The following PIK3CA variants were observed in gnomAD, a reference collection of about 807,000 sequenced individuals.
The protein encoded by PIK3CA is phosphatidylinositol 4,5-bisphosphate 3-kinase catalytic subunit alpha isoform.
In PIK3CA, 27 loss-of-function variants were observed where a neutral mutation model predicts 138.2. That is an observed-to-expected ratio of 0.20 (90% CI 0.14 to 0.27). PIK3CA has a LOEUF of 0.27. Among genes scored for constraint, PIK3CA ranks in the 10% least tolerant of loss-of-function variants. The pLI, the probability that PIK3CA is intolerant of heterozygous loss-of-function variation, is 1.00. For synonymous variants in PIK3CA, 358 were observed against 413.2 expected (o/e 0.87, Z 1.62); for missense variants, 544 against 1,277.4 (o/e 0.43, Z 8.75).
intron 6 of PIK3CA, among the ~76,000 whole-genome samples, chr3:179,208,244 T>C (rs146106026): frequency 7.2e-5 from 11 of 152,326 alleles, no homozygotes; most frequent in Non-Finnish European, 1.3e-4. Flanking sequence ...TATTACTTAG[T>C]TGGCTAATTA....
At chr3:179,204,630 G>A (rs774258569) in intron 6 of PIK3CA, 42 bp downstream of exon 6, 2 of 943,012 alleles carry the variant, frequency 2.1e-6, no homozygotes, top group East Asian at 2.4e-5. Flanking sequence ...GGTTATATTA[G>A]TGTTTAGCAG....
intron 1 of PIK3CA, among the ~76,000 whole-genome samples, chr3:179,168,721 A>C (rs1723477947): frequency 1.3e-5 from 2 of 152,126 alleles, no homozygotes; most frequent in South Asian, 4.1e-4. Flanking sequence ...GTGAAATGTT[A>C]TATCCTTATG....
intron 1 of PIK3CA, among the ~76,000 whole-genome samples, chr3:179,154,709 A>G (rs1194008926): frequency 1.3e-5 from 2 of 152,222 alleles, no homozygotes; most frequent in Non-Finnish European, 2.9e-5. Flanking sequence ...CACAAGTTGC[A>G]TAAAACTAGG....
chr3:179,160,257 A>G (rs796300373), intron 1 of PIK3CA, among the ~76,000 whole-genome samples: 7 of 152,366 alleles, frequency 4.6e-5, no homozygotes, highest in African/African-American at 1.7e-4. Flanking sequence ...TGACCAGAAC[A>G]TTGTTATGTA....
chr3:179,195,241 A>G (rs1469805764), intron 1 of PIK3CA, among the ~76,000 whole-genome samples: 3 of 145,726 alleles, frequency 2.1e-5, no homozygotes, highest in Admixed American at 7.0e-5. Context: ...GAAGCTCCTT[A>G]TTTACTTGCC....
chr3:179,216,390 ATTT>A (rs199636066), intron 9 of PIK3CA, among the ~76,000 whole-genome samples: 4,568 of 151,882 alleles, frequency 0.03, 98 homozygotes, highest in South Asian at 0.068. Flanking sequence ...ATGCACCAAA[ATTT>A]TTTTTTAAAT....
At chr3:179,205,169 G>A (rs959527929) in intron 6 of PIK3CA, among the ~76,000 whole-genome samples, 1 of 151,616 alleles carries the variant, frequency 6.6e-6, no homozygotes, top group Non-Finnish European at 1.5e-5. Flanking sequence ...AGCTATGATC[G>A]TGCCACTGCA....
At chr3:179,228,286 A>G (rs1725129627) in intron 17 of PIK3CA, among the ~76,000 whole-genome samples, 1 of 152,062 alleles carries the variant, frequency 6.6e-6, no homozygotes, top group Non-Finnish European at 1.5e-5. Flanking sequence ...TTAGTATGGT[A>G]TAATGAAAAG....
intron 1 of PIK3CA, among the ~76,000 whole-genome samples, chr3:179,188,274 G>A (rs1724042467): frequency 6.6e-6 from 1 of 152,198 alleles, no homozygotes; most frequent in African/African-American, 2.4e-5. Flanking sequence ...CAAGTCACTA[G>A]TTAGGCTCTC....
At chr3:179,152,883 CAA>C (rs1391524114) in intron 1 of PIK3CA, among the ~76,000 whole-genome samples, 2 of 152,002 alleles carry the variant, frequency 1.3e-5, no homozygotes, top group African/African-American at 4.8e-5. Flanking sequence ...AAGTTTCAAC[CAA>C]GAGAGAATAG....
At chr3:179,187,537 CAAA>C (rs375116506) in intron 1 of PIK3CA, among the ~76,000 whole-genome samples, 8 of 63,340 alleles carry the variant, frequency 1.3e-4, no homozygotes, top group Admixed American at 2.0e-4. Context: ...GACTCCGCCT[CAAA>C]AAAAAAAAAA....
intron 1 of PIK3CA, among the ~76,000 whole-genome samples, chr3:179,179,641 G>A (rs568913740): frequency 4.6e-5 from 7 of 152,280 alleles, no homozygotes; most frequent in African/African-American, 1.4e-4. Flanking sequence ...TGCAGAGTTC[G>A]TTGTATGTTA....
intron 1 of PIK3CA, among the ~76,000 whole-genome samples, chr3:179,176,553 T>C (rs1277118756): frequency 1.4e-5 from 2 of 144,936 alleles, no homozygotes; most frequent in Non-Finnish European, 3.0e-5. Flanking sequence ...AGATCCGAAG[T>C]GTATTCTACC....
intron 1 of PIK3CA, among the ~76,000 whole-genome samples, chr3:179,193,185 C>T (rs1005109113): frequency 6.6e-6 from 1 of 152,158 alleles, no homozygotes; most frequent in African/African-American, 2.4e-5. Context: ...GTACTTCCTT[C>T]CTAAATACAG....
At chr3:179,162,195 A>G (rs745895881) in intron 1 of PIK3CA, among the ~76,000 whole-genome samples, 8 of 152,150 alleles carry the variant, frequency 5.3e-5, no homozygotes, top group Non-Finnish European at 1.0e-4. Context: ...AAAAGTGTGA[A>G]TTTATGTGTA....
chr3:179,158,310 G>A lies in PIK3CA; in HGVS notation c.-77+9707G>A, dbSNP rs146306870. Among the ~76,000 whole-genome samples the A allele has an allele frequency of 6.6e-4, 101 of 152,224 alleles. 2 individuals are homozygous for A. Among genetic ancestry groups the A allele is most frequent in the African/African-American group, 2.3e-3 (94 of 41,572 alleles). On this transcript the variant is annotated intron_variant, in intron 1 of 20. Transcript: ENST00000263967. ...TGGATATTTAGTTTAATAGGAATGA[G>A]GAATTAATGGACAGAAGGTATTAAG...
intron 1 of PIK3CA, among the ~76,000 whole-genome samples, chr3:179,165,797 C>A (rs1287711856): frequency 1.3e-5 from 2 of 152,158 alleles, no homozygotes; most frequent in African/African-American, 4.8e-5. Context: ...GACCCCTGTT[C>A]TTGTGCTCAT....
At chr3:179,187,975 T>C (rs1724035936) in intron 1 of PIK3CA, among the ~76,000 whole-genome samples, 1 of 152,166 alleles carries the variant, frequency 6.6e-6, no homozygotes. Flanking sequence ...AGATAGTAAC[T>C]ATTTTTATTC....
intron 14 of PIK3CA, among the ~76,000 whole-genome samples, chr3:179,222,030 T>G (rs1365249064): frequency 6.6e-6 from 1 of 151,866 alleles, no homozygotes; most frequent in African/African-American, 2.4e-5. Context: ...TTTTATGACC[T>G]TTTCCTACAC....
Sources: gnomAD v4.1 joint callset for allele counts (sites outside exome capture counted in the v4.1 genomes callset) on GRCh38, gnomAD v4.1.1 for gene constraint, MANE v1.5 for transcripts, NCBI Gene and HGNC (gene_info 2026-07-23, HGNC 2026-07-21) for gene names.